TARS1: variants seen among roughly 807,000 people sequenced by gnomAD.
TARS1 encodes the protein threonyl-tRNA synthetase 1.
Under a neutral mutation model 97.7 loss-of-function variants are expected in TARS1, and 57 were observed. That is an observed-to-expected ratio of 0.58 (90% CI 0.47 to 0.73). The LOEUF (loss-of-function observed/expected upper bound fraction) is 0.73, where lower values mean the gene tolerates loss of function less well. Among genes scored for constraint, TARS1 ranks in the 30% least tolerant of loss-of-function variants. TARS1 has a pLI of 0.00. For missense variants in TARS1, 806 were observed against 888.3 expected, an observed-to-expected ratio of 0.91 and a Z score of 1.18; for synonymous variants, 312 against 293.7, an observed-to-expected ratio of 1.06 and a Z score of -0.64.
At position 33,459,951 on chromosome 5, in the gene TARS1, A is replaced by C. The variant is rs1022922059; in HGVS notation, c.1250+90A>C. The C allele has an allele frequency of 4.9e-6, 7 of 1,424,976 alleles. No individual in the cohort carries two copies. In the African/African-American group the frequency reaches 1.0e-4, roughly 20 times the overall value. 88.3% of individuals were successfully genotyped at this position (1,424,976 alleles called of 1,614,324 possible). A position where few individuals can be genotyped will look rare whatever the true frequency, so the allele number is the denominator to read the frequency against. ...CCTCCTTTAACAACATTTTCATTAA[A>C]AACAAATTATGTGATCAGAAGAGCA... On this transcript the variant is annotated intron_variant, in intron 11 of 18. Transcript: ENST00000265112.
At position 33,462,176 on chromosome 5, in the gene TARS1, T is replaced by G. The variant is rs769392879; in HGVS notation, c.1808T>G (p.Ile603Ser). 8 of 1,612,676 alleles carry G rather than the reference T, an allele frequency of 5.0e-6. No individual in the cohort carries two copies. The African/African-American group carries it at 1.1e-4, about 22-fold the overall frequency. The change falls in exon 16 of 19, where the codon ATC becomes AGC. Residue 603 changes from isoleucine (I) to serine (S), a missense_variant. Transcript: ENST00000265112. Reference protein sequence around the residue: ...ILGSVERMIAILTENYGGKWP... With the variant: ...ILGSVERMIASLTENYGGKWP... The stretch of plus-strand genomic sequence containing the variant: ...GGATCAGTGGAAAGAATGATTGCTA[T>G]CCTCACAGAAAACTATGGGGGCAAA...
intron 13 of TARS1, 27 bp from the exon 14 acceptor site, chr5:33,461,640 A>AG: frequency 6.3e-7 from 1 of 1,599,936 alleles, no homozygotes; most frequent in South Asian, 1.1e-5. Flanking sequence ...GATGAAAAAA[A>AG]TAAAAATCAT....
At chr5:33,456,364 A>T (rs1742019533) in intron 8 of TARS1, 137 bp downstream of exon 8, 1 of 705,086 alleles carries the variant, frequency 1.4e-6, no homozygotes, top group African/African-American at 1.8e-5. Flanking sequence ...ATTAACTGGG[A>T]GCTGTATGCC....
chr5:33,457,539 C>A, intron 9 of TARS1, 136 bp downstream of exon 9: 1 of 895,648 alleles, frequency 1.1e-6, no homozygotes, highest in Non-Finnish European at 1.7e-6. Context: ...GTGCTATGTC[C>A]TGTACAAACT....
intron 4 of TARS1, 149 bp downstream of exon 4, chr5:33,453,561 GA>G (rs1741861034): frequency 4.5e-6 from 5 of 1,104,638 alleles, no homozygotes; most frequent in Non-Finnish European, 5.1e-6. Flanking sequence ...TTCATTTAGG[GA>G]ACATAATAAA....
At position 33,445,421 on chromosome 5, in the gene TARS1, C is replaced by T; in HGVS notation, c.138+17C>T. The T allele has an allele frequency of 6.2e-7, 1 of 1,609,022 alleles. No individual in the cohort carries two copies. The highest frequency in any genetic ancestry group is 1.1e-5 in the South Asian group (1 of 90,804). On this transcript the variant is annotated intron_variant, in intron 2 of 18. Coordinates refer to ENST00000265112, the MANE Select transcript of TARS1 (RefSeq NM_152295.5). The stretch of plus-strand genomic sequence containing the variant: ...CGAGCTGAGGTAAAAGTTATCATCA[C>T]AGAGGGCTCTGTTATCAGAGGTTGG...
At chr5:33,448,240 A>G (rs1741518254) in intron 2 of TARS1, among the ~76,000 whole-genome samples, 1 of 152,206 alleles carries the variant, frequency 6.6e-6, no homozygotes. Flanking sequence ...CTCTATTTGT[A>G]AAATAATTTA....
Position 33,461,160 on chromosome 5 carries a change from T to A in TARS1, c.1416T>A (p.Ile472=). The part of the protein sequence containing the change: ...DAHIFCAMEQ[I]EDEIKGCLDF... The stretch of plus-strand genomic sequence containing the variant: ...TTTTTTTGTTTTTTAATTTGAAGAT[T>A]GAAGATGAAATAAAAGGTTGTTTGG... The change falls in exon 13 of 19, where the codon ATT becomes ATA. Residue 472 remains isoleucine (I), a splice_region_variant and synonymous_variant. Coordinates refer to ENST00000265112, the MANE Select transcript of TARS1 (RefSeq NM_152295.5). 1 of 1,603,582 alleles carries A rather than the reference T, an allele frequency of 6.2e-7. No individual in the cohort carries two copies. The highest frequency in any genetic ancestry group is 8.5e-7 in the Non-Finnish European group (1 of 1,175,186).
chr5:33,464,573 T>A (rs1054471675), intron 17 of TARS1, among the ~76,000 whole-genome samples: 1 of 152,258 alleles, frequency 6.6e-6, no homozygotes, highest in African/African-American at 2.4e-5. Flanking sequence ...AAAACCATCA[T>A]GTCTTCAGAC....
At position 33,461,279 on chromosome 5, in the gene TARS1, G is replaced by A. The variant is rs1295864189; in HGVS notation, c.1535G>A (p.Trp512Ter). The change falls in exon 13 of 19, where the codon TGG becomes TAG. Residue 512 changes from tryptophan (W) to a stop codon, truncating the protein, a stop_gained. Coordinates refer to ENST00000265112, the MANE Select transcript of TARS1 (RefSeq NM_152295.5). LOFTEE classifies it high-confidence loss of function. ...AAATTCCTTGGAGATATCGAAGTAT[G>A]GGATCAAGCTGAGAAAGTAAGTGGT... is the stretch of plus-strand genomic sequence containing the variant. ...PEKFLGDIEV[W>*]DQAEKQLENS... The A allele has an allele frequency of 6.2e-7, 1 of 1,611,630 alleles. No individual in the cohort carries two copies. Among genetic ancestry groups the A allele is most frequent in the East Asian group, 2.2e-5 (1 of 44,872 alleles).
At position 33,445,218 on chromosome 5, in the gene TARS1, A is replaced by T. The variant is rs557640174; in HGVS notation, c.58-106A>T. ...TCAATATCAGATTTCCATTTTTTTT[A>T]AATTAAATAACAAATACTAAAATAA... On this transcript the variant is annotated intron_variant, in intron 1 of 18. Transcript: ENST00000265112. 457 of 844,412 alleles carry T rather than the reference A, an allele frequency of 5.4e-4. 7 individuals carry two copies. The East Asian group carries it at 0.011, about 20-fold the overall frequency. 52.3% of individuals were successfully genotyped at this position (844,412 alleles called of 1,614,324 possible).
At chr5:33,464,039 G>A (rs140836911) in intron 17 of TARS1, among the ~76,000 whole-genome samples, 55 of 152,234 alleles carry the variant, frequency 3.6e-4, no homozygotes, top group African/African-American at 1.2e-3. Flanking sequence ...AGTGTTTTAT[G>A]TACACTTGTA....
chr5:33,456,853 G>A (rs1489562790), intron 8 of TARS1, among the ~76,000 whole-genome samples: 1 of 152,232 alleles, frequency 6.6e-6, no homozygotes, highest in Non-Finnish European at 1.5e-5. Context: ...CCTGGGAAAT[G>A]AGGTTGCAGT....
Position 33,458,586 on chromosome 5 carries a change from TC to T in TARS1, c.1006del (p.His336MetfsTer37), listed in dbSNP as rs1742141238. 1 of 1,613,314 alleles carries T rather than the reference TC, an allele frequency of 6.2e-7. No homozygotes were observed. Among genetic ancestry groups the T allele is most frequent in the Non-Finnish European group, 8.5e-7 (1 of 1,179,720 alleles). On this transcript the variant is annotated frameshift_variant, in exon 10 of 19. Coordinates refer to ENST00000265112, the MANE Select transcript of TARS1 (RefSeq NM_152295.5). LOFTEE classifies it high-confidence loss of function. ...IGRDQELYFF[H>X]ELSPGSCFFL... ...CCCAGGACCAAGAACTATATTTCTTTCATGAACTCAGCCCTGGAAGTTGCTT... is the reference window on the plus strand; with the variant it reads ...CCCAGGACCAAGAACTATATTTCTTTATGAACTCAGCCCTGGAAGTTGCTT...
intron 10 of TARS1, 22 bp downstream of exon 10, chr5:33,458,686 C>T (rs1412696275): frequency 6.4e-7 from 1 of 1,558,294 alleles, no homozygotes; most frequent in Non-Finnish European, 8.8e-7. Context: ...TTATTGCTTT[C>T]TTCTTTAGAT....
In TARS1 at chr5:33,461,075, C is replaced by T; in HGVS notation, c.1413+11C>T. 2 of 1,612,152 alleles carry T rather than the reference C, an allele frequency of 1.2e-6. No homozygotes were observed. The highest frequency in any genetic ancestry group is 8.5e-7 in the Non-Finnish European group (1 of 1,179,000). On this transcript the variant is annotated intron_variant, in intron 12 of 18. Coordinates refer to ENST00000265112, the MANE Select transcript of TARS1 (RefSeq NM_152295.5). ...TGTGCCATGGAGCAGGTATGAGACC[C>T]TGGGAATAAAATACTTAGAAAGAAG...
intron 9 of TARS1, among the ~76,000 whole-genome samples, chr5:33,457,711 C>G (rs73074392): frequency 0.15 from 22,449 of 152,118 alleles, 1,734 homozygotes; most frequent in South Asian, 0.26. Context: ...CTATGGAAAC[C>G]CTCTAGTTTC....
chr5:33,448,795 C>A, intron 3 of TARS1, 64 bp downstream of exon 3: 2 of 1,235,172 alleles, frequency 1.6e-6, no homozygotes, highest in Non-Finnish European at 2.2e-6. Context: ...CTTTTATTAT[C>A]TTGCCATGTT....
intron 9 of TARS1, 43 bp downstream of exon 9, chr5:33,457,446 A>G: frequency 6.3e-7 from 1 of 1,583,620 alleles, no homozygotes; most frequent in Non-Finnish European, 8.6e-7. Flanking sequence ...AGTTTTCTTC[A>G]ACTTCATTTG....
Sources: allele counts gnomAD v4.1 joint callset (sites outside exome capture counted in the v4.1 genomes callset), GRCh38; gene constraint gnomAD v4.1.1; transcripts MANE v1.5; gene names NCBI Gene and HGNC (gene_info 2026-07-23, HGNC 2026-07-21).